CCDC91: variants seen among roughly 807,000 people sequenced by gnomAD.
CCDC91 encodes coiled-coil domain-containing protein 91.
In CCDC91, 48 loss-of-function variants were observed where a neutral mutation model predicts 63.2. The ratio of observed to expected loss-of-function variants is 0.76; its 90% confidence interval spans 0.60 to 0.97. The LOEUF is 0.97. Ranked by LOEUF, CCDC91 falls within the 50% of genes least tolerant of loss-of-function variation. The pLI is 0.00. For synonymous variants in CCDC91, 167 were observed against 165.8 expected, an observed-to-expected ratio of 1.01 and a Z score of -0.06; for missense variants, 500 against 494.6, an observed-to-expected ratio of 1.01 and a Z score of -0.10.
chr12:28,512,302 C>T (rs958130368), intron 12 of CCDC91, among the ~76,000 whole-genome samples: 3 of 151,838 alleles, frequency 2.0e-5, no homozygotes, highest in African/African-American at 4.8e-5. Flanking sequence ...GGGAAAAACA[C>T]CTTAAATCAG....
chr12:28,305,267 G>C (rs1284697894), intron 3 of CCDC91, among the ~76,000 whole-genome samples: 1 of 151,946 alleles, frequency 6.6e-6, no homozygotes, highest in African/African-American at 2.4e-5. Context: ...AGGTACTCTA[G>C]CGCTTTTTAA....
chr12:28,362,547 C>G, intron 7 of CCDC91, 32 bp downstream of exon 7: 4 of 1,388,310 alleles, frequency 2.9e-6, no homozygotes, highest in Non-Finnish European at 3.9e-6. Context: ...CTTTTTTAAA[C>G]CTTGGATAAC....
rs544198533 is a variant in CCDC91 at position 28,444,710 on chromosome 12, A to G, written c.763-5451A>G. 2.0e-5 allele frequency among the ~76,000 whole-genome samples: 3 copies of G among 152,190 alleles called. No homozygotes were observed. The South Asian group carries it at 6.2e-4, about 32-fold the overall frequency. On this transcript the variant is annotated intron_variant, in intron 8 of 12. Coordinates refer to ENST00000536442, the MANE Select transcript of CCDC91 (RefSeq NM_018318.5). ...GAGGGTAGGAGGAGGGAGAGGAGCA[A>G]TAAAGATAACTCTCGGGTACTGGGC...
At chr12:28,248,833 A>G (rs528723862) in intron 1 of CCDC91, among the ~76,000 whole-genome samples, 1 of 152,286 alleles carries the variant, frequency 6.6e-6, no homozygotes, top group South Asian at 2.1e-4. Context: ...ATTGTTGATG[A>G]GAAAGAGCTA....
Position 28,484,106 on chromosome 12 carries a change from G to T in CCDC91, c.1156G>T (p.Glu386Ter). The stretch of plus-strand genomic sequence containing the variant: ...GCAGAAACGAAGTGAAAAGGCTGTG[G>T]AAGAGGCAGTGAAAAGAACAAGAGA... Reference protein sequence around the residue: ...EEQKRSEKAVEEAVKRTRDEL... With the variant: ...EEQKRSEKAV Residue 386 changes from glutamate to a stop codon, truncating the protein, a stop_gained, in exon 12 of 13, where the codon GAA becomes TAA. Transcript: ENST00000536442. LOFTEE classifies it high-confidence loss of function. 1.2e-6 allele frequency: 2 copies of T among 1,611,876 alleles called. No individual in the cohort carries two copies. Among genetic ancestry groups the T allele is most frequent in the South Asian group, 2.2e-5 (2 of 90,762 alleles).
chr12:28,513,349 G>T (rs1011211557), intron 12 of CCDC91, among the ~76,000 whole-genome samples: 2 of 151,886 alleles, frequency 1.3e-5, no homozygotes, highest in Admixed American at 1.3e-4. Flanking sequence ...AGTTTTTACT[G>T]TCATTTTTTT....
chr12:28,301,772 C>T (rs1384181852), intron 3 of CCDC91, among the ~76,000 whole-genome samples: 2 of 151,436 alleles, frequency 1.3e-5, no homozygotes, highest in South Asian at 4.1e-4. Context: ...TTAATCAGAT[C>T]AACTTTTAGA....
chr12:28,533,104 C>A (rs942080767), intron 12 of CCDC91, among the ~76,000 whole-genome samples: 1 of 152,048 alleles, frequency 6.6e-6, no homozygotes, highest in African/African-American at 2.4e-5. Flanking sequence ...GTTACGGTAG[C>A]CCCAGTGGCA....
At chr12:28,260,646 A>G (rs187201444) in intron 3 of CCDC91, among the ~76,000 whole-genome samples, 11 of 152,072 alleles carry the variant, frequency 7.2e-5, no homozygotes. Flanking sequence ...CATGTTGGAC[A>G]GCAAGTTTTG....
At chr12:28,386,139 T>C (rs1449342764) in intron 7 of CCDC91, among the ~76,000 whole-genome samples, 1 of 152,174 alleles carries the variant, frequency 6.6e-6, no homozygotes, top group Admixed American at 6.5e-5. Context: ...GGTAACAATT[T>C]TGGTGACTTG....
intron 12 of CCDC91, among the ~76,000 whole-genome samples, chr12:28,486,516 C>T (rs1202421372): frequency 6.6e-6 from 1 of 152,018 alleles, no homozygotes; most frequent in East Asian, 1.9e-4. Context: ...TTTAGACTAA[C>T]ATTTCTTTGG....
intron 12 of CCDC91, among the ~76,000 whole-genome samples, chr12:28,515,677 A>G (rs1592920848): frequency 6.6e-6 from 1 of 152,084 alleles, no homozygotes; most frequent in Admixed American, 6.6e-5. Context: ...ATAATAACCC[A>G]TTAATATGTT....
intron 7 of CCDC91, 75 bp from the exon 8 acceptor site, chr12:28,391,229 C>A: frequency 1.2e-6 from 1 of 831,120 alleles, no homozygotes; most frequent in Non-Finnish European, 2.0e-6. Flanking sequence ...GTACAACTGT[C>A]AAAAATATTC....
intron 12 of CCDC91, among the ~76,000 whole-genome samples, chr12:28,546,524 A>G (rs560141928): frequency 1.3e-5 from 2 of 152,090 alleles, no homozygotes; most frequent in Admixed American, 6.6e-5. Context: ...AATTGGAGGT[A>G]GCATTGCCAA....
intron 3 of CCDC91, among the ~76,000 whole-genome samples, chr12:28,286,633 C>T (rs1189625312): frequency 1.3e-5 from 2 of 152,156 alleles, no homozygotes; most frequent in African/African-American, 2.4e-5. Flanking sequence ...TTAGGTTGAT[C>T]CCATGTCTTT....
chr12:28,193,957 A>G (rs1048876272), intron 1 of CCDC91, among the ~76,000 whole-genome samples: 2 of 152,164 alleles, frequency 1.3e-5, no homozygotes, highest in African/African-American at 4.8e-5. Flanking sequence ...TATCGTATAT[A>G]TGTTCACAGC....
At chr12:28,348,117 G>A (rs1240953565) in intron 6 of CCDC91, among the ~76,000 whole-genome samples, 1 of 152,212 alleles carries the variant, frequency 6.6e-6, no homozygotes, top group African/African-American at 2.4e-5. Flanking sequence ...TCCTTGGTGT[G>A]AAGAAATGAT....
At chr12:28,230,185 C>T (rs991564509) in intron 1 of CCDC91, among the ~76,000 whole-genome samples, 2 of 152,104 alleles carry the variant, frequency 1.3e-5, no homozygotes, top group Non-Finnish European at 2.9e-5. Context: ...TGGGGTCATT[C>T]TGTACTTCAT....
intron 3 of CCDC91, among the ~76,000 whole-genome samples, chr12:28,280,159 G>A (rs1948510766): frequency 1.3e-5 from 2 of 152,126 alleles, no homozygotes; most frequent in South Asian, 4.2e-4. Context: ...CTTTTCTCCT[G>A]TATTTGATCT....
Sources: allele counts gnomAD v4.1 joint callset (sites outside exome capture counted in the v4.1 genomes callset), GRCh38; gene constraint gnomAD v4.1.1; transcripts MANE v1.5; gene names NCBI Gene and HGNC (gene_info 2026-07-23, HGNC 2026-07-21).